The following PGPEP1 variants were observed in gnomAD, a reference collection of about 807,000 sequenced individuals.
The protein encoded by PGPEP1 is pyroglutamyl-peptidase I, also known as pyroglutamyl-peptidase 1.
A neutral mutation model predicts 24.1 loss-of-function variants in PGPEP1; 15 were observed. The ratio of observed to expected loss-of-function variants is 0.62; its 90% CI spans 0.42 to 0.96. The LOEUF (loss-of-function observed/expected upper bound fraction) is 0.96. Ranked by LOEUF, PGPEP1 falls within the 40% of genes least tolerant of loss-of-function variation. The probability of loss-of-function intolerance (pLI) is 0.00; values close to 1 mark genes in which losing one functional copy is unlikely to be tolerated. For missense variants in PGPEP1, 242 were observed against 273.4 expected (o/e 0.89, Z 0.81); for synonymous variants, 122 against 116.4 (o/e 1.05, Z -0.31).
At chr19:18,363,033 T>TTGTGTGTGTG (rs201259409) in intron 4 of PGPEP1, among the ~76,000 whole-genome samples, 25,376 of 136,498 alleles carry the variant, frequency 0.19, 2,726 homozygotes, top group Admixed American at 0.28. Context: ...TTTTTTTTGT[T>TTGTGTGTGTG]TGTGTGTGTG....
At chr19:18,363,068 T>TGTGTGTGTGTGTGTGTGTGTGTGTG (rs60619670) in intron 4 of PGPEP1, among the ~76,000 whole-genome samples, 2 of 146,712 alleles carry the variant, frequency 1.4e-5, no homozygotes, top group African/African-American at 5.0e-5. Flanking sequence ...TGTGTGTGTG[T>TGTGTGTGTGTGTGTGTGTGTGTGTG]TTTAAAGAGA....
intron 4 of PGPEP1, among the ~76,000 whole-genome samples, chr19:18,363,067 G>GTGTGTT (rs747177888): frequency 1.4e-5 from 2 of 146,746 alleles, no homozygotes; most frequent in Non-Finnish European, 3.0e-5. Context: ...GTGTGTGTGT[G>GTGTGTT]TTTTAAAGAG....
In PGPEP1 at chr19:18,367,133, G is replaced by A. The variant is rs1244988959; in HGVS notation, c.*3550G>A. 2 of 139,450 alleles carry A rather than the reference G, an allele frequency of 1.4e-5. No individual in the cohort carries two copies. The highest frequency in any genetic ancestry group is 1.5e-4 in the Admixed American group (2 of 13,448). 8.6% of individuals were successfully genotyped at this position (139,450 alleles called of 1,614,324 possible). A position where few individuals can be genotyped will look rare whatever the true frequency, so the allele number is the denominator to read the frequency against. ...ATCACACCACTGTAGTCCAGCCCGG[G>A]TGACACAGCAAGACTCTGTCTCAAA... On this transcript the variant is annotated 3_prime_UTR_variant, in exon 5 of 5. Transcript: ENST00000269919.
chr19:18,368,321 C>T lies in PGPEP1; in HGVS notation c.*4738C>T, dbSNP rs972411527. The T allele has an allele frequency of 6.6e-6, 1 of 151,968 alleles. No homozygotes were observed. The highest frequency in any genetic ancestry group is 2.4e-5 in the African/African-American group (1 of 41,342). The allele number at this position is 151,968 out of a possible 1,614,324, so 9.4% of individuals were successfully genotyped here. On this transcript the variant is annotated 3_prime_UTR_variant, in exon 5 of 5. Coordinates refer to ENST00000269919, the MANE Select transcript of PGPEP1 (RefSeq NM_017712.4). ...AGAGTGGATGGTGCGTGCCTGTAAT[C>T]CCAGCTACCTGGGAGGCTGAGACAG...
intron 2 of PGPEP1, among the ~76,000 whole-genome samples, chr19:18,351,624 CAAAAAA>C (rs538291645): frequency 3.8e-5 from 3 of 78,116 alleles, no homozygotes; most frequent in Non-Finnish European, 8.7e-5. Context: ...AACTCCGTCT[CAAAAAA>C]AAAAAAAAAA....
Position 18,363,591 on chromosome 19 carries a change from T to C in PGPEP1, c.*8T>C, listed in dbSNP as rs752520485. ...TATTGCCACAAACACTGAGGGACGCTCAGGTCTCCTAAGACCTCATCCTGC... is the reference window on the plus strand; with the variant it reads ...TATTGCCACAAACACTGAGGGACGCCCAGGTCTCCTAAGACCTCATCCTGC... On this transcript the variant is annotated 3_prime_UTR_variant, in exon 5 of 5. Coordinates refer to ENST00000269919, the MANE Select transcript of PGPEP1 (RefSeq NM_017712.4). The C allele has an allele frequency of 7.5e-6, 12 of 1,608,656 alleles. No homozygotes were observed. Among genetic ancestry groups the C allele is most frequent in the Admixed American group, 3.4e-5 (2 of 59,380 alleles).
At chr19:18,345,987 C>CA (rs35141582) in intron 2 of PGPEP1, among the ~76,000 whole-genome samples, 9,267 of 135,504 alleles carry the variant, frequency 0.068, 967 homozygotes, top group African/African-American at 0.23. Context: ...GACTCTGTCT[C>CA]AAAAAAAAAA....
Position 18,352,281 on chromosome 19 carries a change from A to C in PGPEP1, c.88-3614A>C, listed in dbSNP as rs559980563. Among the ~76,000 whole-genome samples the C allele has an allele frequency of 7.1e-4, 106 of 149,780 alleles. 1 individual carries two copies. The highest frequency in any genetic ancestry group is 2.5e-3 in the African/African-American group (104 of 41,088). On this transcript the variant is annotated intron_variant, in intron 2 of 4. Transcript: ENST00000269919. The stretch of plus-strand genomic sequence containing the variant: ...GACTCCGTCTCAAAAAAAAAAAAAA[A>C]AAAAAATTAGTTGGGTGTTTTCCCA...
intron 1 of PGPEP1, among the ~76,000 whole-genome samples, chr19:18,342,570 G>C (rs1353348735): frequency 6.6e-6 from 1 of 152,200 alleles, no homozygotes; most frequent in African/African-American, 2.4e-5. Context: ...GACAGGATCA[G>C]GACCTTTTCG....
At position 18,364,957 on chromosome 19, in the gene PGPEP1, G is replaced by A. The variant is rs573112422; in HGVS notation, c.*1374G>A. On this transcript the variant is annotated 3_prime_UTR_variant, in exon 5 of 5. Coordinates refer to ENST00000269919, the MANE Select transcript of PGPEP1 (RefSeq NM_017712.4). ...CGGGGTGGCGCGGGGGGCTCAAAACGGGGGCGCGGGGGCTGGAGTTGGCAG... is the reference window on the plus strand; with the variant it reads ...CGGGGTGGCGCGGGGGGCTCAAAACAGGGGCGCGGGGGCTGGAGTTGGCAG... 3 of 99,802 alleles carry A rather than the reference G, an allele frequency of 3.0e-5. No individual in the cohort carries two copies. The highest frequency in any genetic ancestry group is 8.1e-5 in the Non-Finnish European group (3 of 36,914). 6.2% of individuals were successfully genotyped at this position (99,802 alleles called of 1,614,324 possible).
At chr19:18,348,590 G>A (rs895418433) in intron 2 of PGPEP1, among the ~76,000 whole-genome samples, 4 of 152,134 alleles carry the variant, frequency 2.6e-5, no homozygotes, top group Non-Finnish European at 4.4e-5. Flanking sequence ...GGAACAGAGC[G>A]TGTTCAGAGG....
rs1286384433 is a variant in PGPEP1 at position 18,365,059 on chromosome 19, C to A, written c.*1476C>A. On this transcript the variant is annotated 3_prime_UTR_variant, in exon 5 of 5. Transcript: ENST00000269919. ...GGGTTTTATGTAGATTGCTTTTGGA[C>A]ACTCGCCCAGGAGTCAGGAGTTGAT... is the stretch of plus-strand genomic sequence containing the variant. The A allele has an allele frequency of 6.6e-6, 1 of 152,084 alleles. No homozygotes were observed. The highest frequency in any genetic ancestry group is 1.9e-4 in the East Asian group (1 of 5,190). 9.4% of individuals were successfully genotyped at this position (152,084 alleles called of 1,614,324 possible).
In PGPEP1 at chr19:18,363,543, A is replaced by G; in HGVS notation, c.590A>G (p.Glu197Gly). The change falls in exon 5 of 5, where the codon GAG becomes GGG. Residue 197 changes from glutamate to glycine, a missense_variant. Coordinates refer to ENST00000269919, the MANE Select transcript of PGPEP1 (RefSeq NM_017712.4). ...ATTGAGGAGATGTTGGACCTCCTGG[A>G]GCAGTCAGAGGGCAAAATCAACTAT... The part of the protein sequence containing the change: ...AIIEEMLDLL[E>G]QSEGKINYCH... The G allele has an allele frequency of 1.9e-6, 3 of 1,614,038 alleles. No individual in the cohort carries two copies. The highest frequency in any genetic ancestry group is 2.5e-6 in the Non-Finnish European group (3 of 1,179,972).
At chr19:18,362,726 C>CAAAA (rs71166506) in intron 4 of PGPEP1, among the ~76,000 whole-genome samples, 4 of 85,846 alleles carry the variant, frequency 4.7e-5, no homozygotes, top group Admixed American at 1.3e-4. Flanking sequence ...GACTCTGTCT[C>CAAAA]AAAAAAAAAA....
intron 2 of PGPEP1, among the ~76,000 whole-genome samples, chr19:18,346,017 C>T (rs1479823392): frequency 3.3e-3 from 1 of 304 alleles, no homozygotes; most frequent in Non-Finnish European, 5.1e-3. Flanking sequence ...TACATATGTG[C>T]ACCCCCAAGG....
At chr19:18,340,852 G>A in intron 1 of PGPEP1, 137 bp downstream of exon 1, 1 of 614,126 alleles carries the variant, frequency 1.6e-6, no homozygotes, top group Non-Finnish European at 2.4e-6. Context: ...CGGGAGCCCC[G>A]CGCAGCCCAG....
chr19:18,365,063 C>T lies in PGPEP1; in HGVS notation c.*1480C>T, dbSNP rs576112422. The stretch of plus-strand genomic sequence containing the variant: ...TTTATGTAGATTGCTTTTGGACACT[C>T]GCCCAGGAGTCAGGAGTTGATTTTT... On this transcript the variant is annotated 3_prime_UTR_variant, in exon 5 of 5. Transcript: ENST00000269919. The T allele has an allele frequency of 5.3e-5, 8 of 152,170 alleles. No homozygotes were observed. In the East Asian group the frequency reaches 5.8e-4, roughly 11 times the overall value. 9.4% of individuals were successfully genotyped at this position (152,170 alleles called of 1,614,324 possible). A position where few individuals can be genotyped will look rare whatever the true frequency, so the allele number is the denominator to read the frequency against.
At chr19:18,347,064 C>T (rs1970870161) in intron 2 of PGPEP1, among the ~76,000 whole-genome samples, 1 of 147,252 alleles carries the variant, frequency 6.8e-6, no homozygotes, top group Non-Finnish European at 1.5e-5. Context: ...TTCTCGCTCT[C>T]TTTTTTTTTT....
Position 18,367,508 on chromosome 19 carries a change from G to T in PGPEP1, c.*3925G>T, listed in dbSNP as rs1281008140. The T allele has an allele frequency of 1.3e-5, 2 of 152,082 alleles. No homozygotes were observed. Among genetic ancestry groups the T allele is most frequent in the East Asian group, 3.9e-4 (2 of 5,194 alleles). 9.4% of individuals were successfully genotyped at this position (152,082 alleles called of 1,614,324 possible). A position where few individuals can be genotyped will look rare whatever the true frequency, so the allele number is the denominator to read the frequency against. On this transcript the variant is annotated 3_prime_UTR_variant, in exon 5 of 5. Coordinates refer to ENST00000269919, the MANE Select transcript of PGPEP1 (RefSeq NM_017712.4). ...TTGATGATGGCATCTCTTTTAAGAT[G>T]CCCAAGTCTGCGCACTTTTATTCCT...
Sources: allele counts gnomAD v4.1 joint callset (sites outside exome capture counted in the v4.1 genomes callset), GRCh38; gene constraint gnomAD v4.1.1; transcripts MANE v1.5; gene names NCBI Gene and HGNC (gene_info 2026-07-23, HGNC 2026-07-21).